Variants in OLFM4 observed in about 807,000 individuals in gnomAD.
OLFM4 encodes the protein olfactomedin-4.
Under a neutral mutation model 25.5 loss-of-function variants are expected in OLFM4, and 22 were observed. That is an observed-to-expected ratio of 0.86 (90% CI 0.62 to 1.23). OLFM4 has a LOEUF of 1.23. Among genes scored for constraint, OLFM4 ranks in the 50% most tolerant of loss-of-function variants. OLFM4 has a pLI of 0.00. For synonymous variants in OLFM4, 255 were observed against 237.7 expected (o/e 1.07, Z -0.67); for missense variants, 594 against 619.4 (o/e 0.96, Z 0.44).
intron 1 of OLFM4, 55 bp from the exon 2 acceptor site, chr13:53,034,293 G>A (rs1954645496): frequency 6.3e-7 from 1 of 1,584,144 alleles, no homozygotes; most frequent in Admixed American, 1.8e-5. Flanking sequence ...CACTCCAGTT[G>A]CCAAAAGCTC....
In OLFM4 at chr13:53,042,680, AG is replaced by A. The variant is rs573356006; in HGVS notation, c.571-424del. Reference sequence around the variant, plus strand: ...TAATTTATATCAACAAAAATTTACTAGCACAGTCATGACATGGGCTATAATT... The same window carrying A: ...TAATTTATATCAACAAAAATTTACTACACAGTCATGACATGGGCTATAATT... On this transcript the variant is annotated intron_variant, in intron 3 of 4. Transcript: ENST00000219022. 6.6e-5 allele frequency among the ~76,000 whole-genome samples: 10 copies of A among 152,346 alleles called. No homozygotes were observed. The South Asian group carries it at 2.1e-3, about 32-fold the overall frequency.
chr13:53,042,258 C>A, intron 3 of OLFM4, 136 bp downstream of exon 3: 1 of 742,538 alleles, frequency 1.3e-6, no homozygotes, highest in Non-Finnish European at 2.3e-6. Context: ...CATGGCATAT[C>A]ACTATGTTCT....
At chr13:53,043,572 G>T (rs935693051) in intron 4 of OLFM4, among the ~76,000 whole-genome samples, 1 of 152,098 alleles carries the variant, frequency 6.6e-6, no homozygotes, top group African/African-American at 2.4e-5. Context: ...TATGGTGATG[G>T]AGGCCCTATC....
intron 1 of OLFM4, among the ~76,000 whole-genome samples, chr13:53,031,524 C>T (rs1047926128): frequency 1.4e-4 from 22 of 152,194 alleles, no homozygotes; most frequent in Admixed American, 1.2e-3. Context: ...GGAGGGGCCT[C>T]TGCAGGGTCC....
At chr13:53,044,714 G>T (rs1299079644) in intron 4 of OLFM4, among the ~76,000 whole-genome samples, 1 of 152,048 alleles carries the variant, frequency 6.6e-6, no homozygotes, top group African/African-American at 2.4e-5. Flanking sequence ...GGAGGTTTAG[G>T]GCAGACAACA....
chr13:53,035,849 G>C (rs953340208), intron 2 of OLFM4, among the ~76,000 whole-genome samples: 5 of 152,164 alleles, frequency 3.3e-5, no homozygotes, highest in African/African-American at 1.2e-4. Context: ...ATGTGACTTG[G>C]TGTTCTAGTT....
At chr13:53,048,248 T>C (rs766377434) in intron 4 of OLFM4, among the ~76,000 whole-genome samples, 2 of 152,222 alleles carry the variant, frequency 1.3e-5, no homozygotes, top group African/African-American at 2.4e-5. Flanking sequence ...GAGAATAGTC[T>C]CTTGGCTGAA....
intron 2 of OLFM4, among the ~76,000 whole-genome samples, chr13:53,040,735 A>T (rs968658062): frequency 2.0e-5 from 3 of 152,226 alleles, no homozygotes; most frequent in African/African-American, 7.2e-5. Flanking sequence ...CCAGTCCCAA[A>T]TGCTAACAGT....
Position 53,050,084 on chromosome 13 carries a change from T to C in OLFM4, c.846T>C (p.His282=), listed in dbSNP as rs760940263. The C allele has an allele frequency of 2.1e-5, 34 of 1,613,932 alleles. 1 individual carries two copies. The South Asian group carries it at 3.6e-4, about 17-fold the overall frequency. The part of the protein sequence containing the change: ...GAWGRDYSPQ[H]PNKGLYWVAP... ...GGGGTAGGGATTACTCTCCCCAGCA[T>C]CCAAACAAAGGACTGTATTGGGTGG... The change falls in exon 5 of 5, where the codon CAT becomes CAC. Residue 282 remains histidine, a synonymous_variant. Transcript: ENST00000219022.
intron 3 of OLFM4, 113 bp from the exon 4 acceptor site, chr13:53,042,992 A>C: frequency 1.3e-6 from 1 of 773,310 alleles, no homozygotes; most frequent in South Asian, 2.1e-5. Context: ...ATTCAGAAGA[A>C]TCTCTGGTGT....
chr13:53,046,228 G>A (rs147131741), intron 4 of OLFM4, among the ~76,000 whole-genome samples: 1 of 152,168 alleles, frequency 6.6e-6, no homozygotes, highest in Non-Finnish European at 1.5e-5. Context: ...TTGAGAGAGT[G>A]CATTAATAGA....
chr13:53,042,147 T>G, intron 3 of OLFM4, 25 bp downstream of exon 3: 2 of 1,593,490 alleles, frequency 1.3e-6, no homozygotes, highest in Non-Finnish European at 1.7e-6. Context: ...CACTTCTTGG[T>G]AAATTAATAA....
At chr13:53,034,295 CA>C (rs1453712935) in intron 1 of OLFM4, 52 bp from the exon 2 acceptor site, 1 of 1,589,998 alleles carries the variant, frequency 6.3e-7, no homozygotes, top group African/African-American at 1.4e-5. Context: ...CTCCAGTTGC[CA>C]AAAGCTCAGA....
At chr13:53,038,557 A>T (rs955472980) in intron 2 of OLFM4, among the ~76,000 whole-genome samples, 1 of 152,244 alleles carries the variant, frequency 6.6e-6, no homozygotes, top group African/African-American at 2.4e-5. Flanking sequence ...TAGAAAAGGT[A>T]CAGTAAAAAT....
chr13:53,038,221 C>T (rs1023401753), intron 2 of OLFM4, among the ~76,000 whole-genome samples: 1 of 152,102 alleles, frequency 6.6e-6, no homozygotes, highest in Non-Finnish European at 1.5e-5. Flanking sequence ...TAGCACTCGC[C>T]CACCCCCCAG....
chr13:53,050,661 C>A lies in OLFM4; in HGVS notation c.1423C>A (p.Gln475Lys). 1 of 1,613,550 alleles carries A rather than the reference C, an allele frequency of 6.2e-7. No individual in the cohort carries two copies. The highest frequency in any genetic ancestry group is 1.1e-5 in the South Asian group (1 of 90,994). The change falls in exon 5 of 5, where the codon CAG becomes AAG. Residue 475 changes from glutamine (Q) to lysine (K), a missense_variant. Transcript: ENST00000219022. ...ACTAGACATTGTAATGCATAAGATGCAGGAAAAAGTGCAGAGCATTAACTA... is the reference window on the plus strand; with the variant it reads ...ACTAGACATTGTAATGCATAAGATGAAGGAAAAAGTGCAGAGCATTAACTA... ...GKLDIVMHKM[Q>K]EKVQSINYNP...
chr13:53,050,541 A>G lies in OLFM4; in HGVS notation c.1303A>G (p.Met435Val), dbSNP rs772138750. Residue 435 changes from methionine to valine, a missense_variant, in exon 5 of 5, where the codon ATG becomes GTG. By Grantham distance (21) the Met-to-Val change is conservative (BLOSUM62 1). Transcript: ENST00000219022. ...QYKPSASNAFMVCGVLYATRT... is the reference protein window; with the variant it reads ...QYKPSASNAFVVCGVLYATRT... ...TAAACCATCTGCTTCTAACGCCTTC[A>G]TGGTATGTGGGGTTCTGTATGCCAC... The G allele has an allele frequency of 1.9e-5, 30 of 1,613,928 alleles. No homozygotes were observed. The highest frequency in any genetic ancestry group is 2.5e-5 in the Non-Finnish European group (30 of 1,179,978).
chr13:53,038,212 A>G (rs1954669204), intron 2 of OLFM4, among the ~76,000 whole-genome samples: 2 of 152,156 alleles, frequency 1.3e-5, no homozygotes, highest in Non-Finnish European at 2.9e-5. Context: ...AGATGCCAAT[A>G]GCACTCGCCC....
chr13:53,035,939 T>C (rs1954655994), intron 2 of OLFM4, among the ~76,000 whole-genome samples: 1 of 152,210 alleles, frequency 6.6e-6, no homozygotes, highest in South Asian at 2.1e-4. Context: ...AAGTCCAAGC[T>C]AGTCTATAAT....
Sources: gnomAD v4.1 joint callset for allele counts (sites outside exome capture counted in the v4.1 genomes callset) on GRCh38, gnomAD v4.1.1 for gene constraint, MANE v1.5 for transcripts, NCBI Gene and HGNC (gene_info 2026-07-23, HGNC 2026-07-21) for gene names.